Variants in CALR3 observed in about 807,000 individuals in gnomAD.
The protein encoded by CALR3 is calreticulin-3.
A neutral mutation model predicts 48.7 loss-of-function variants in CALR3; 39 were observed. That is an observed-to-expected ratio of 0.80 (90% CI 0.62 to 1.05). CALR3 has a LOEUF of 1.05. Among genes scored for constraint, CALR3 ranks in the 50% least tolerant of loss-of-function variants. CALR3 has a pLI of 0.00. For missense variants in CALR3, 449 were observed against 474.7 expected (o/e 0.95, Z 0.50); for synonymous variants, 185 against 172.7 (o/e 1.07, Z -0.56).
chr19:16,479,957 C>A (rs1379066019), intron 8 of CALR3, among the ~76,000 whole-genome samples: 2 of 152,040 alleles, frequency 1.3e-5, no homozygotes, highest in South Asian at 2.1e-4. Context: ...GTAATCCCAG[C>A]ACTTTGGGAG....
intron 7 of CALR3, among the ~76,000 whole-genome samples, chr19:16,481,208 A>T (rs998412132): frequency 6.6e-6 from 1 of 151,958 alleles, no homozygotes; most frequent in African/African-American, 2.4e-5. Flanking sequence ...CAGCCTCCCC[A>T]GTAGCTGGGA....
intron 2 of CALR3, among the ~76,000 whole-genome samples, chr19:16,491,210 C>T (rs112362603): frequency 1.3e-3 from 195 of 152,106 alleles, no homozygotes; most frequent in African/African-American, 4.6e-3. Flanking sequence ...GCAAGCTCCA[C>T]CTCCTGGGTT....
At chr19:16,493,096 A>G (rs555733992) in intron 2 of CALR3, among the ~76,000 whole-genome samples, 191 of 152,304 alleles carry the variant, frequency 1.3e-3, no homozygotes, top group Non-Finnish European at 2.1e-3. Context: ...TGCAGCATGC[A>G]GGTGTAACCT....
chr19:16,485,336 T>TC, intron 3 of CALR3, 79 bp from the exon 4 acceptor site: 1 of 944,938 alleles, frequency 1.1e-6, no homozygotes, highest in East Asian at 2.6e-5. Context: ...CCATTCTTTT[T>TC]TTTTTTTTGA....
chr19:16,493,278 C>T (rs889736835), intron 2 of CALR3, among the ~76,000 whole-genome samples: 3 of 152,128 alleles, frequency 2.0e-5, no homozygotes, highest in South Asian at 2.1e-4. Context: ...CAAAAGATGC[C>T]GTGACTGTTA....
At chr19:16,491,145 T>A (rs1208368534) in intron 2 of CALR3, among the ~76,000 whole-genome samples, 1 of 151,264 alleles carries the variant, frequency 6.6e-6, no homozygotes, top group Non-Finnish European at 1.5e-5. Context: ...TTTTTTGAGA[T>A]GGAGTCTCGC....
chr19:16,485,161 A>C lies in CALR3; in HGVS notation c.492+2T>G, dbSNP rs768790042. 15 of 1,577,064 alleles carry C rather than the reference A, an allele frequency of 9.5e-6. No individual in the cohort carries two copies. The South Asian group carries it at 1.7e-4, about 17-fold the overall frequency. On this transcript the variant is annotated splice_donor_variant, in intron 4 of 8. Coordinates refer to ENST00000269881, the MANE Select transcript of CALR3 (RefSeq NM_145046.5). LOFTEE classifies it high-confidence loss of function. ...CATTTATTTGAATACAAGAGCAGTT[A>C]CCTTACACCTGATCAGTTTCTTGTT...
chr19:16,495,050 T>C (rs2093404362), intron 2 of CALR3, among the ~76,000 whole-genome samples: 1 of 150,742 alleles, frequency 6.6e-6, no homozygotes, highest in Admixed American at 6.6e-5. Flanking sequence ...GCCTGGGCAA[T>C]GTGGTGAAAC....
chr19:16,484,770 A>T (rs2093386598), intron 4 of CALR3, among the ~76,000 whole-genome samples: 1 of 152,116 alleles, frequency 6.6e-6, no homozygotes. Flanking sequence ...CTCCTGCCTC[A>T]GCTTCCCAAA....
chr19:16,486,270 C>T (rs965096121), intron 3 of CALR3, among the ~76,000 whole-genome samples: 5 of 151,076 alleles, frequency 3.3e-5, no homozygotes, highest in African/African-American at 2.4e-5. Context: ...GAGCTGAGAT[C>T]GGGCCACTGT....
At chr19:16,485,309 G>T (rs2122133779) in intron 3 of CALR3, 52 bp from the exon 4 acceptor site, 1 of 1,135,202 alleles carries the variant, frequency 8.8e-7, no homozygotes, top group Non-Finnish European at 1.3e-6. Flanking sequence ...CATCACCGTA[G>T]AATAACCAAC....
chr19:16,485,336 T>C (rs2093387647), intron 3 of CALR3, 79 bp from the exon 4 acceptor site: 9 of 944,936 alleles, frequency 9.5e-6, no homozygotes, highest in Non-Finnish European at 1.5e-5. Flanking sequence ...CCATTCTTTT[T>C]TTTTTTTTGA....
chr19:16,481,471 G>GTTT (rs71178696), intron 7 of CALR3, among the ~76,000 whole-genome samples: 13 of 79,686 alleles, frequency 1.6e-4, no homozygotes, highest in East Asian at 3.4e-4. Flanking sequence ...GTCTCGCTCT[G>GTTT]TTTTTTTTTT....
intron 3 of CALR3, among the ~76,000 whole-genome samples, chr19:16,487,874 C>T (rs1179145714): frequency 2.7e-5 from 4 of 148,528 alleles, no homozygotes; most frequent in Admixed American, 6.8e-5. Flanking sequence ...AGTGCAGTGG[C>T]GTGATCTCAG....
At chr19:16,479,810 T>C (rs1454271373) in intron 8 of CALR3, among the ~76,000 whole-genome samples, 2 of 151,978 alleles carry the variant, frequency 1.3e-5, no homozygotes, top group African/African-American at 4.8e-5. Context: ...CCAGGGGTTA[T>C]GCTTCCATGT....
chr19:16,479,121 A>G lies in CALR3; in HGVS notation c.*10T>C, dbSNP rs1205963176. The G allele has an allele frequency of 4.3e-6, 7 of 1,613,922 alleles. No individual in the cohort carries two copies. Among genetic ancestry groups the G allele is most frequent in the East Asian group, 4.5e-5 (2 of 44,888 alleles). ...ATTTTACCAGTCATCCTTATATCCA[A>G]TGGGGATCACTAAAGTTCATTCCTT... On this transcript the variant is annotated 3_prime_UTR_variant, in exon 9 of 9. Transcript: ENST00000269881.
At chr19:16,494,506 C>A (rs2093402878) in intron 2 of CALR3, among the ~76,000 whole-genome samples, 2 of 152,064 alleles carry the variant, frequency 1.3e-5, no homozygotes, top group South Asian at 2.1e-4. Context: ...GGACTACAGG[C>A]ATGAGCCACC....
At chr19:16,480,546 C>T in intron 8 of CALR3, 68 bp downstream of exon 8, 1 of 1,072,346 alleles carries the variant, frequency 9.3e-7, no homozygotes, top group Non-Finnish European at 1.4e-6. Context: ...AGCTAGACTC[C>T]ATCTAAAAAA....
chr19:16,491,606 A>C (rs1361290819), intron 2 of CALR3, among the ~76,000 whole-genome samples: 1 of 150,278 alleles, frequency 6.7e-6, no homozygotes, highest in African/African-American at 2.4e-5. Context: ...GTGAAACCCT[A>C]TCTCTACTAA....
Sources: allele counts gnomAD v4.1 joint callset (sites outside exome capture counted in the v4.1 genomes callset), GRCh38; gene constraint gnomAD v4.1.1; transcripts MANE v1.5; gene names NCBI Gene and HGNC (gene_info 2026-07-23, HGNC 2026-07-21).